CCDC30: variants seen among roughly 807,000 people sequenced by gnomAD.
The protein encoded by CCDC30 is coiled-coil domain-containing protein 30.
CCDC30 carries 70 observed loss-of-function variants against 100.2 expected under a neutral mutation model. That is an observed-to-expected ratio of 0.70 (90% CI 0.58 to 0.85). The LOEUF (loss-of-function observed/expected upper bound fraction) is 0.85. Ranked by LOEUF, CCDC30 falls within the 40% of genes least tolerant of loss-of-function variation. CCDC30 has a pLI of 0.00. For synonymous variants in CCDC30, 233 were observed against 269.5 expected (o/e 0.86, Z 1.33); for missense variants, 652 against 771.2 (o/e 0.85, Z 1.83).
intron 6 of CCDC30, among the ~76,000 whole-genome samples, chr1:42,551,630 T>G (rs1353395325): frequency 6.6e-6 from 1 of 152,068 alleles, no homozygotes; most frequent in Admixed American, 6.6e-5. Context: ...TATGTGAACA[T>G]AATAATAAAG....
intron 3 of CCDC30, among the ~76,000 whole-genome samples, chr1:42,483,736 T>A (rs1317765002): frequency 1.3e-5 from 2 of 152,182 alleles, no homozygotes; most frequent in African/African-American, 4.8e-5. Flanking sequence ...GTTCTTTATA[T>A]ATTGTGGATA....
At chr1:42,613,241 CTTTAT>C (rs36211187) in intron 11 of CCDC30, among the ~76,000 whole-genome samples, 95,422 of 150,576 alleles carry the variant, frequency 0.63, 30,429 homozygotes, top group South Asian at 0.7. Context: ...TATTCACGTG[CTTTAT>C]TTTATTTTAT....
At chr1:42,605,664 G>A (rs954976330) in intron 10 of CCDC30, among the ~76,000 whole-genome samples, 11 of 151,802 alleles carry the variant, frequency 7.2e-5, no homozygotes, top group Non-Finnish European at 1.6e-4. Context: ...TATTATTATT[G>A]CATGTAGAGA....
Position 42,469,021 on chromosome 1 carries a change from TAAAA to T in CCDC30, c.-92+5133_-92+5136del, listed in dbSNP as rs529616688. ...AGAAAGTGACATCACAGAACAGAAT[TAAAA>T]AAAAAAAAACTTTCAGGGAAGGAGT... On this transcript the variant is annotated intron_variant, in intron 1 of 16. Coordinates refer to ENST00000668663, the Ensembl canonical transcript of CCDC30. Among the ~76,000 whole-genome samples the T allele has an allele frequency of 2.5e-3, 338 of 137,880 alleles. 2 individuals carry two copies. Among genetic ancestry groups the T allele is most frequent in the African/African-American group, 8.7e-3 (325 of 37,510 alleles). The allele number at this position is 137,880 out of a possible 152,430, so 90.5% of individuals were successfully genotyped here.
intron 3 of CCDC30, among the ~76,000 whole-genome samples, chr1:42,485,623 T>C (rs1289950570): frequency 2.0e-5 from 3 of 152,072 alleles, no homozygotes; most frequent in Non-Finnish European, 4.4e-5. Flanking sequence ...TGTTCCAGCC[T>C]GGGTGACAGA....
At chr1:42,549,612 T>G (rs1191001715) in intron 6 of CCDC30, among the ~76,000 whole-genome samples, 1 of 152,228 alleles carries the variant, frequency 6.6e-6, no homozygotes, top group Non-Finnish European at 1.5e-5. Context: ...GGAACTCTTC[T>G]AAGCCCAGAC....
intron 6 of CCDC30, among the ~76,000 whole-genome samples, chr1:42,560,770 G>T (rs1268338258): frequency 1.3e-5 from 2 of 152,058 alleles, no homozygotes; most frequent in East Asian, 3.8e-4. Context: ...AATGACAAGA[G>T]GATATCACCA....
intron 6 of CCDC30, among the ~76,000 whole-genome samples, chr1:42,510,500 T>C (rs1176563465): frequency 6.6e-6 from 1 of 151,934 alleles, no homozygotes; most frequent in African/African-American, 2.4e-5. Flanking sequence ...TTACTAAAAA[T>C]ACAATAATTA....
intron 6 of CCDC30, among the ~76,000 whole-genome samples, chr1:42,502,422 T>C (rs1318846115): frequency 6.6e-6 from 1 of 152,218 alleles, no homozygotes; most frequent in African/African-American, 2.4e-5. Flanking sequence ...CCCCTTGCTC[T>C]TCCCGGGTGA....
In CCDC30 at chr1:42,611,064, A is replaced by G. The variant is rs777916507; in HGVS notation, c.1251A>G (p.Leu417=). 3.1e-6 allele frequency: 5 copies of G among 1,607,212 alleles called. No individual in the cohort carries two copies. In the South Asian group the frequency reaches 4.4e-5, roughly 14 times the overall value. The change falls in exon 11 of 17, where the codon TTA becomes TTG. Residue 417 remains leucine, a synonymous_variant. Coordinates refer to ENST00000668663, the Ensembl canonical transcript of CCDC30. ...CTCTACGTGAAGAATATTTGCGATT[A>G]TTGAAGCTGCTTAATGTCCATGTGA...
chr1:42,507,635 T>C (rs1031424644), intron 6 of CCDC30, among the ~76,000 whole-genome samples: 2 of 152,230 alleles, frequency 1.3e-5, no homozygotes, highest in Non-Finnish European at 1.5e-5. Context: ...AAATTACATA[T>C]TATGATAGTA....
intron 9 of CCDC30, among the ~76,000 whole-genome samples, chr1:42,583,589 T>G (rs1300602943): frequency 6.6e-6 from 1 of 152,344 alleles, no homozygotes; most frequent in Non-Finnish European, 1.5e-5. Flanking sequence ...AATAAATCCT[T>G]TATTGTTGAA....
rs556193321 is a variant in CCDC30 at position 42,627,756 on chromosome 1, G to T, written c.1278-9481G>T. Among the ~76,000 whole-genome samples, 18 of 152,292 alleles carry T rather than the reference G, an allele frequency of 1.2e-4. No individual in the cohort carries two copies. The South Asian group carries it at 2.3e-3, about 19-fold the overall frequency. On this transcript the variant is annotated intron_variant, in intron 11 of 16. Coordinates refer to ENST00000668663, the Ensembl canonical transcript of CCDC30. The stretch of plus-strand genomic sequence containing the variant: ...GCTTCCATGTGGTGTTGAGTTTGTG[G>T]GTGCACAGAAGTCAAGAATTCAGGT...
chr1:42,567,951 AGAG>A (rs1369805990), intron 7 of CCDC30, among the ~76,000 whole-genome samples: 2 of 152,090 alleles, frequency 1.3e-5, no homozygotes, highest in Admixed American at 6.5e-5. Context: ...TTAAAAAAAA[AGAG>A]AGAGAGAATT....
rs191949329 is a variant in CCDC30, at chr1:42,484,768, G to T, written c.169+1952G>T. On this transcript the variant is annotated intron_variant, in intron 3 of 16. Transcript: ENST00000668663. ...TTAGTTCTCTTTAGTTTATTCTTTA[G>T]CTCTCTATCACATCATAAAATTTGG... Among the ~76,000 whole-genome samples the T allele has an allele frequency of 6.8e-4, 103 of 151,906 alleles. No individual in the cohort carries two copies. In the East Asian group the frequency reaches 0.019, roughly 28 times the overall value.
chr1:42,546,706 T>C (rs1645152026), intron 6 of CCDC30, among the ~76,000 whole-genome samples: 1 of 152,048 alleles, frequency 6.6e-6, no homozygotes. Context: ...TTTCTCTTAT[T>C]TATCTATCTA....
intron 10 of CCDC30, among the ~76,000 whole-genome samples, chr1:42,601,205 T>A (rs1452053743): frequency 6.6e-6 from 1 of 152,158 alleles, no homozygotes; most frequent in Non-Finnish European, 1.5e-5. Flanking sequence ...TTGAACTAAA[T>A]GAAAGTGAAG....
At chr1:42,542,452 T>TGGCCTCA (rs1402559925) in intron 6 of CCDC30, among the ~76,000 whole-genome samples, 1 of 151,558 alleles carries the variant, frequency 6.6e-6, no homozygotes, top group Non-Finnish European at 1.5e-5. Flanking sequence ...CTCCCCCTCC[T>TGGCCTCA]GGCCTCAGGT....
intron 15 of CCDC30, among the ~76,000 whole-genome samples, chr1:42,648,494 C>A (rs1257475393): frequency 6.6e-6 from 1 of 151,986 alleles, no homozygotes; most frequent in African/African-American, 2.4e-5. Context: ...CACAGTGAAA[C>A]CCTGTCTCTA....
Sources: allele counts gnomAD v4.1 joint callset (sites outside exome capture counted in the v4.1 genomes callset), GRCh38; gene constraint gnomAD v4.1.1; transcripts MANE v1.5; gene names NCBI Gene and HGNC (gene_info 2026-07-23, HGNC 2026-07-21).